CELF5: variants seen among roughly 807,000 people sequenced by gnomAD.
The protein encoded by CELF5 is CUGBP Elav-like family member 5.
CELF5 carries 6 observed loss-of-function variants against 54.9 expected under a neutral mutation model. That is an observed-to-expected ratio of 0.11 (90% CI 0.06 to 0.22). The LOEUF (loss-of-function observed/expected upper bound fraction) is 0.22, where lower values mean the gene tolerates loss of function less well. Ranked by LOEUF, CELF5 falls within the 10% of genes least tolerant of loss-of-function variation. The pLI is 1.00. For synonymous variants in CELF5, 271 were observed against 290.9 expected, an observed-to-expected ratio of 0.93 and a Z score of 0.70; for missense variants, 401 against 678.6, an observed-to-expected ratio of 0.59 and a Z score of 4.54.
rs754857257 is a variant in CELF5 at position 3,281,179 on chromosome 19, G to C, written c.604-20G>C. Reference sequence around the variant, plus strand: ...TACCTCCCAGCCCGTTTCCCTCCCTGCTCGCCGCTGCCCCTGCAGGGAGCC... The same window carrying C: ...TACCTCCCAGCCCGTTTCCCTCCCTCCTCGCCGCTGCCCCTGCAGGGAGCC... On this transcript the variant is annotated intron_variant, in intron 5 of 12. Transcript: ENST00000292672. The surrounding 1 kb of genome is among the most constrained non-coding windows in gnomAD (Gnocchi z 6.5). 1.9e-6 allele frequency: 3 copies of C among 1,597,046 alleles called. No individual in the cohort carries two copies. The African/African-American group carries it at 4.0e-5, about 21-fold the overall frequency.
chr19:3,237,885 T>A (rs1404572495), intron 1 of CELF5, among the ~76,000 whole-genome samples: 1 of 151,184 alleles, frequency 6.6e-6, no homozygotes, highest in Admixed American at 6.6e-5. Context: ...CCGTCTCTAC[T>A]AAAAAATACA....
intron 12 of CELF5, chr19:3,295,420 G>A (rs928732108): frequency 6.6e-6 from 1 of 152,086 alleles, no homozygotes; most frequent in Non-Finnish European, 1.5e-5. Context: ...CGGATCATGG[G>A]ACCAAACTTT....
chr19:3,243,935 G>T (rs2079526088), intron 1 of CELF5, among the ~76,000 whole-genome samples: 1 of 151,850 alleles, frequency 6.6e-6, no homozygotes, highest in Admixed American at 6.6e-5. Flanking sequence ...CCACCCTGAT[G>T]ACCTCATGTT....
In CELF5 at chr19:3,268,303, G is replaced by A. The variant is rs1167795906; in HGVS notation, c.343-5569G>A. On this transcript the variant is annotated intron_variant, in intron 2 of 12. Transcript: ENST00000292672. The surrounding 1 kb of genome is among the most constrained non-coding windows in gnomAD (Gnocchi z 4.4). ...GTTACAGGTGTGAGCCACCACACCC[G>A]GCACCTAGAAGTGTTTGGAGGACTC... is the stretch of plus-strand genomic sequence containing the variant. Among the ~76,000 whole-genome samples, 6 of 152,272 alleles carry A rather than the reference G, an allele frequency of 3.9e-5. No homozygotes were observed. The highest frequency in any genetic ancestry group is 1.9e-4 in the East Asian group (1 of 5,180).
At chr19:3,240,091 C>T (rs2079470537) in intron 1 of CELF5, among the ~76,000 whole-genome samples, 1 of 151,572 alleles carries the variant, frequency 6.6e-6, no homozygotes, top group Non-Finnish European at 1.5e-5. Context: ...TCACTGCAAA[C>T]TTTACCTCCC....
intron 1 of CELF5, among the ~76,000 whole-genome samples, chr19:3,246,871 A>G (rs1035425273): frequency 2.6e-5 from 4 of 152,220 alleles, no homozygotes; most frequent in Admixed American, 1.3e-4. Flanking sequence ...GAACTCCCCC[A>G]TGATGCACAC....
Position 3,275,027 on chromosome 19 carries a change from C to T in CELF5, c.395-829C>T, listed in dbSNP as rs2080025059. Among the ~76,000 whole-genome samples the T allele has an allele frequency of 6.6e-6, 1 of 152,104 alleles. No homozygotes were observed. Among genetic ancestry groups the T allele is most frequent in the South Asian group, 2.1e-4 (1 of 4,826 alleles). ...CGCACTCTCTCTCTGATCTGTCTCT[C>T]TCTCTCCCTGATTCTCAGTCTCTCT... On this transcript the variant is annotated intron_variant, in intron 3 of 12. Transcript: ENST00000292672. This position sits in a 1 kb window ranked among gnomAD's most constrained non-coding sequence, Gnocchi z 6.7.
intron 5 of CELF5, among the ~76,000 whole-genome samples, chr19:3,279,023 G>T (rs2080104665): frequency 6.6e-6 from 1 of 152,178 alleles, no homozygotes; most frequent in Non-Finnish European, 1.5e-5. Flanking sequence ...GAGGAGACAG[G>T]CCAGGTCGGT....
At chr19:3,287,446 G>C (rs34840826) in intron 10 of CELF5, among the ~76,000 whole-genome samples, 4,132 of 121,222 alleles carry the variant, frequency 0.034, 95 homozygotes, top group Non-Finnish European at 0.05. Flanking sequence ...TGTAATCCCA[G>C]CTATTGGGGA....
chr19:3,288,309 G>A (rs2080286630), intron 10 of CELF5, among the ~76,000 whole-genome samples: 1 of 151,834 alleles, frequency 6.6e-6, no homozygotes, highest in African/African-American at 2.4e-5. Context: ...ATTGCCTGAG[G>A]TTGGGAGTTC....
intron 1 of CELF5, among the ~76,000 whole-genome samples, chr19:3,240,778 G>A (rs183465114): frequency 1.1e-3 from 161 of 152,004 alleles, no homozygotes; most frequent in African/African-American, 2.3e-3. Flanking sequence ...CTCTTGGCCC[G>A]GGCTGACCAC....
intron 2 of CELF5, among the ~76,000 whole-genome samples, chr19:3,263,579 C>CAA (rs1039137567): frequency 8.1e-5 from 12 of 147,846 alleles, no homozygotes; most frequent in African/African-American, 2.7e-4. Context: ...AAGAAACAAA[C>CAA]AAACAAACAA....
chr19:3,296,434 G>GAAAAAAAAAAAAAAAA (rs5826810), intron 12 of CELF5: 6 of 54,872 alleles, frequency 1.1e-4, no homozygotes, highest in Admixed American at 2.3e-4. Context: ...AAACCACACA[G>GAAAAAAAAAAAAAAAA]AAAAAAAAAA....
At chr19:3,262,966 G>A (rs960028000) in intron 2 of CELF5, among the ~76,000 whole-genome samples, 1 of 150,668 alleles carries the variant, frequency 6.6e-6, no homozygotes, top group African/African-American at 2.4e-5. Flanking sequence ...TAAAAAAATA[G>A]ATAAATTTGT....
intron 11 of CELF5, among the ~76,000 whole-genome samples, chr19:3,291,857 C>T (rs2080354661): frequency 6.6e-6 from 1 of 152,088 alleles, no homozygotes; most frequent in Non-Finnish European, 1.5e-5. Flanking sequence ...GACATTAAGG[C>T]TCTGAAAAGG....
intron 10 of CELF5, among the ~76,000 whole-genome samples, chr19:3,288,641 A>G (rs924295895): frequency 1.6e-4 from 24 of 152,252 alleles, no homozygotes; most frequent in African/African-American, 5.1e-4. Flanking sequence ...TGAGGCCAGG[A>G]GTTCAAGACC....
chr19:3,295,843 AG>A (rs148152865), intron 12 of CELF5: 58 of 148,120 alleles, frequency 3.9e-4, no homozygotes, highest in South Asian at 2.6e-3. Context: ...TTTCCGTCGG[AG>A]GGGGGGGGCG....
intron 2 of CELF5, among the ~76,000 whole-genome samples, chr19:3,259,173 C>T (rs17696611): frequency 6.6e-6 from 1 of 152,044 alleles, no homozygotes; most frequent in Non-Finnish European, 1.5e-5. Flanking sequence ...GAGGCCAGAA[C>T]ATGCCCAGTG....
chr19:3,291,104 T>TA (rs2080340203), intron 11 of CELF5, among the ~76,000 whole-genome samples: 1 of 132,766 alleles, frequency 7.5e-6, no homozygotes, highest in Non-Finnish European at 1.7e-5. Flanking sequence ...CTACAAAAAA[T>TA]ACAAAAAAAA....
Sources: gnomAD v4.1 joint callset for allele counts (sites outside exome capture counted in the v4.1 genomes callset) on GRCh38, gnomAD v4.1.1 for gene constraint, Gnocchi (gnomAD v3.1) non-coding constraint, MANE v1.5 for transcripts, NCBI Gene and HGNC (gene_info 2026-07-23, HGNC 2026-07-21) for gene names.